RCC1L: variants seen among roughly 807,000 people sequenced by gnomAD.
The protein encoded by RCC1L is RCC1 like.
RCC1L carries 46 observed loss-of-function variants against 58.6 expected under a neutral mutation model. That is an observed-to-expected ratio of 0.79 (90% confidence interval 0.62 to 1.00). The LOEUF is 1.00. Ranked by LOEUF, RCC1L falls within the 50% of genes least tolerant of loss-of-function variation. RCC1L has a pLI of 0.00. For missense variants in RCC1L, 636 were observed against 623.6 expected (o/e 1.02, Z -0.21); for synonymous variants, 281 against 262.9 (o/e 1.07, Z -0.67).
intron 8 of RCC1L, chr7:75,056,397 C>A (rs1404853922): frequency 2.1e-6 from 2 of 972,604 alleles, no homozygotes; most frequent in African/African-American, 3.3e-5. Flanking sequence ...CATACGAATA[C>A]CAGAGAATTG....
At chr7:75,053,552 C>G (rs1313400402) in intron 9 of RCC1L, among the ~76,000 whole-genome samples, 3 of 152,110 alleles carry the variant, frequency 2.0e-5, no homozygotes, top group Admixed American at 2.0e-4. Flanking sequence ...TGGGGACTGG[C>G]CAGAGACGGA....
chr7:75,045,428 C>T (rs988568656), intron 10 of RCC1L, among the ~76,000 whole-genome samples: 1 of 152,172 alleles, frequency 6.6e-6, no homozygotes, highest in Admixed American at 6.6e-5. Flanking sequence ...GATTCTCCTG[C>T]TTCAGCCTCC....
In RCC1L at chr7:75,070,653, G is replaced by A; in HGVS notation, c.441C>T (p.Ser147=). 1.2e-6 allele frequency: 2 copies of A among 1,613,894 alleles called. No individual in the cohort carries two copies. Among genetic ancestry groups the A allele is most frequent in the Non-Finnish European group, 1.7e-6 (2 of 1,179,966 alleles). The part of the protein sequence containing the change: ...NKDSQLGFHR[S]RKDKTRGYEY... ...AGGGATGCTCACTTTTATCTTTCCGGCTCCTGTGAAATCCAAGCTGAGAAT... is the reference window on the plus strand; with the variant it reads ...AGGGATGCTCACTTTTATCTTTCCGACTCCTGTGAAATCCAAGCTGAGAAT... The change falls in exon 2 of 11, where the codon AGC becomes AGT. Residue 147 remains serine (S), a synonymous_variant. Coordinates refer to ENST00000610322, the MANE Select transcript of RCC1L (RefSeq NM_030798.5).
At position 75,027,876 on chromosome 7, in the gene RCC1L, G is replaced by A. The variant is rs914470199; in HGVS notation, c.*156C>T. The A allele has an allele frequency of 9.9e-5, 84 of 849,970 alleles. 1 individual carries two copies. Among genetic ancestry groups the A allele is most frequent in the Admixed American group, 2.9e-4 (14 of 48,402 alleles). 52.7% of individuals were successfully genotyped at this position (849,970 alleles called of 1,614,324 possible). On this transcript the variant is annotated 3_prime_UTR_variant, in exon 11 of 11. Transcript: ENST00000614461. ...GTGTGGTTTTTCCCAGGCAGGGGCC[G>A]TCTGCCCTTGTCCCCCAGCTATCTC...
downstream of RCC1L, among the ~76,000 whole-genome samples, chr7:75,038,897 T>C (rs1584486534): frequency 2.0e-5 from 3 of 152,154 alleles, no homozygotes; most frequent in South Asian, 6.2e-4. Context: ...GGGAGAGGAA[T>C]GCCTCTCCCC....
chr7:75,063,845 G>C (rs1806360843), intron 4 of RCC1L, among the ~76,000 whole-genome samples: 1 of 151,942 alleles, frequency 6.6e-6, no homozygotes, highest in African/African-American at 2.4e-5. Flanking sequence ...GCTTGAACTT[G>C]GGAGGCGGAG....
chr7:75,039,594 T>TGTC (rs1353699358), downstream of RCC1L, among the ~76,000 whole-genome samples: 1 of 152,116 alleles, frequency 6.6e-6, no homozygotes, highest in Non-Finnish European at 1.5e-5. Context: ...AAACTGGACC[T>TGTC]ACGACCCCTG....
chr7:75,059,264 C>A (rs1584498550), intron 6 of RCC1L, among the ~76,000 whole-genome samples: 1 of 148,288 alleles, frequency 6.7e-6, no homozygotes. Context: ...CATGCTCATA[C>A]AACTTTTTTT....
At chr7:75,072,532 T>C (rs1270789130) in intron 1 of RCC1L, among the ~76,000 whole-genome samples, 1 of 152,122 alleles carries the variant, frequency 6.6e-6, no homozygotes, top group Admixed American at 6.6e-5. Context: ...AACTCAGTAC[T>C]ACAGCTACTG....
At chr7:75,060,971 G>A (rs1488226902) in intron 6 of RCC1L, among the ~76,000 whole-genome samples, 3 of 152,244 alleles carry the variant, frequency 2.0e-5, no homozygotes, top group Admixed American at 2.0e-4. Context: ...CTACTCTGGA[G>A]ACTGTGGTGG....
Position 75,060,052 on chromosome 7 carries a change from G to A in RCC1L, c.787+1155C>T, listed in dbSNP as rs587664112. On this transcript the variant is annotated intron_variant, in intron 6 of 10. Coordinates refer to ENST00000610322, the MANE Select transcript of RCC1L (RefSeq NM_030798.5). Reference sequence around the variant, plus strand: ...GCTGGGATTACAGGCATGAGCCACCGCGCCCGGCCCCGATCTTTTTACTGT... The same window carrying A: ...GCTGGGATTACAGGCATGAGCCACCACGCCCGGCCCCGATCTTTTTACTGT... Among the ~76,000 whole-genome samples the A allele has an allele frequency of 2.1e-3, 324 of 152,244 alleles. 5 individuals are homozygous for A. The South Asian group carries it at 0.026, about 12-fold the overall frequency.
chr7:75,036,116 C>CT (rs33924314), intron 10 of RCC1L, among the ~76,000 whole-genome samples: 17,097 of 125,046 alleles, frequency 0.14, 1,456 homozygotes, highest in Middle Eastern at 0.24. Context: ...CAAAGTCACT[C>CT]TTTTTTTTTT....
At chr7:75,062,198 GTAACTTGCACAA>G (rs1806298024) in intron 5 of RCC1L, among the ~76,000 whole-genome samples, 1 of 151,994 alleles carries the variant, frequency 6.6e-6, no homozygotes, top group Non-Finnish European at 1.5e-5. Context: ...GAGATGTCTG[GTAACTTGCACAA>G]AGTCACTCAG....
intron 6 of RCC1L, among the ~76,000 whole-genome samples, chr7:75,059,502 C>T (rs1227249533): frequency 6.6e-6 from 1 of 152,090 alleles, no homozygotes; most frequent in African/African-American, 2.4e-5. Flanking sequence ...AAACCCCTGA[C>T]CTCAGGTGAT....
chr7:75,061,053 G>C (rs1167858149), intron 6 of RCC1L, among the ~76,000 whole-genome samples, 154 bp downstream of exon 6: 1 of 152,152 alleles, frequency 6.6e-6, no homozygotes, highest in Non-Finnish European at 1.5e-5. Context: ...CAGCTTGGGC[G>C]ATGGAGCCAA....
At chr7:75,067,924 C>T (rs371646337) in intron 2 of RCC1L, among the ~76,000 whole-genome samples, 7 of 152,086 alleles carry the variant, frequency 4.6e-5, no homozygotes, top group Admixed American at 2.0e-4. Context: ...ATGAAGAAAA[C>T]GAGACTGGCA....
At chr7:75,063,393 G>A (rs1224497699) in intron 4 of RCC1L, 50 bp from the exon 5 acceptor site, 54 of 1,589,266 alleles carry the variant, frequency 3.4e-5, no homozygotes, top group Admixed American at 1.3e-4. Context: ...GTCATGACAA[G>A]CACTGTGCAG....
downstream of RCC1L, among the ~76,000 whole-genome samples, chr7:75,038,994 C>G (rs1805488009): frequency 6.6e-6 from 1 of 152,346 alleles, no homozygotes; most frequent in African/African-American, 2.4e-5. Flanking sequence ...GCGCGCGTCA[C>G]CACGTCCGGC....
In RCC1L at chr7:75,073,639, C is replaced by A; in HGVS notation, c.99G>T (p.Arg33=). 1 of 1,480,288 alleles carries A rather than the reference C, an allele frequency of 6.8e-7. No homozygotes were observed. Among genetic ancestry groups the A allele is most frequent in the Non-Finnish European group, 8.9e-7 (1 of 1,123,596 alleles). 91.7% of individuals were successfully genotyped at this position (1,480,288 alleles called of 1,614,324 possible). A position where few individuals can be genotyped will look rare whatever the true frequency, so the allele number is the denominator to read the frequency against. ...CGGCTTCTGCCGCTTCGCGCCGGCT[C>A]CGGGAGCGCCCGGCCGCCGTCCAGT... The part of the protein sequence containing the change: ...RGHWTAAGRS[R]SRREAAEAEA... Residue 33 remains arginine (R), a synonymous_variant, in exon 1 of 11, where the codon CGG becomes CGT. Coordinates refer to ENST00000610322, the MANE Select transcript of RCC1L (RefSeq NM_030798.5).
Sources: allele counts gnomAD v4.1 joint callset (sites outside exome capture counted in the v4.1 genomes callset), GRCh38; gene constraint gnomAD v4.1.1; transcripts MANE v1.5; gene names NCBI Gene and HGNC (gene_info 2026-07-23, HGNC 2026-07-21).